PTPRT: variants seen among roughly 807,000 people sequenced by gnomAD.
PTPRT encodes protein tyrosine phosphatase receptor type T.
PTPRT carries 56 observed loss-of-function variants against 176.8 expected under a neutral mutation model. The observed-to-expected ratio is 0.32, with a 90% CI of 0.26 to 0.40. PTPRT has a LOEUF of 0.40. Among genes scored for constraint, PTPRT ranks in the 10% least tolerant of loss-of-function variants. The pLI, the probability that PTPRT is intolerant of heterozygous loss-of-function variation, is 1.00. For missense variants in PTPRT, 1,540 were observed against 1,908.2 expected (o/e 0.81, Z 3.60); for synonymous variants, 783 against 739.0 (o/e 1.06, Z -0.96).
In PTPRT at chr20:43,146,251, T is replaced by C. The variant is rs1260292045; in HGVS notation, c.88+43395A>G. ...ATGACGCTGAGACAATAAATCACTT[T>C]GAGCTAACACAATATGCCAACCAGT... On this transcript the variant is annotated intron_variant, in intron 1 of 30. Coordinates refer to ENST00000373187, the MANE Select transcript of PTPRT (RefSeq NM_007050.6). Among the ~76,000 whole-genome samples, 4 of 152,218 alleles carry C rather than the reference T, an allele frequency of 2.6e-5. 1 individual carries two copies. The South Asian group carries it at 8.3e-4, about 32-fold the overall frequency.
chr20:42,386,806 G>A (rs1317909516), intron 9 of PTPRT, among the ~76,000 whole-genome samples: 1 of 152,150 alleles, frequency 6.6e-6, no homozygotes. Flanking sequence ...GTTGCAGTGA[G>A]CCGAGATTGT....
chr20:42,737,829 A>G (rs991119798), intron 6 of PTPRT, among the ~76,000 whole-genome samples: 3 of 152,172 alleles, frequency 2.0e-5, no homozygotes, highest in East Asian at 1.9e-4. Flanking sequence ...TCACAATTGT[A>G]CAGATTAAAT....
intron 9 of PTPRT, among the ~76,000 whole-genome samples, chr20:42,426,976 A>G (rs1346886422): frequency 1.3e-5 from 2 of 152,134 alleles, no homozygotes; most frequent in Non-Finnish European, 2.9e-5. Context: ...CAGATTTGCC[A>G]CAGTAGCTGT....
chr20:42,377,782 C>T (rs6065469), intron 9 of PTPRT, among the ~76,000 whole-genome samples: 61,587 of 152,008 alleles, frequency 0.41, 13,474 homozygotes, highest in Non-Finnish European at 0.48. Flanking sequence ...CTGTGGAAGA[C>T]ATGGCTTTGG....
chr20:42,310,142 T>C lies in PTPRT; in HGVS notation c.2139+5581A>G, dbSNP rs182254434. On this transcript the variant is annotated intron_variant, in intron 12 of 30. Coordinates refer to ENST00000373187, the MANE Select transcript of PTPRT (RefSeq NM_007050.6). The stretch of plus-strand genomic sequence containing the variant: ...ATGTTGGAATGTTTGAGAAATAATG[T>C]CTTAGGAAAGGTTCAAGACACGAGG... Among the ~76,000 whole-genome samples the C allele has an allele frequency of 9.2e-5, 14 of 152,094 alleles. 1 individual carries two copies. The East Asian group carries it at 2.3e-3, about 25-fold the overall frequency.
At chr20:42,301,733 G>T (rs569330070) in intron 12 of PTPRT, among the ~76,000 whole-genome samples, 3 of 152,090 alleles carry the variant, frequency 2.0e-5, no homozygotes, top group Non-Finnish European at 4.4e-5. Context: ...TAGCAATTAG[G>T]GAATCTGTAT....
intron 11 of PTPRT, among the ~76,000 whole-genome samples, chr20:42,335,035 G>A (rs369139718): frequency 1.5e-4 from 23 of 152,194 alleles, no homozygotes; most frequent in African/African-American, 5.5e-4. Flanking sequence ...CCTAAAAATG[G>A]TCAGAGGAGA....
chr20:42,535,358 C>T (rs1601213928), intron 7 of PTPRT, among the ~76,000 whole-genome samples: 1 of 152,134 alleles, frequency 6.6e-6, no homozygotes, highest in East Asian at 1.9e-4. Flanking sequence ...GGATCAAAGA[C>T]TATCTTATAG....
intron 7 of PTPRT, among the ~76,000 whole-genome samples, chr20:42,485,227 G>C (rs529050425): frequency 6.6e-6 from 1 of 152,268 alleles, no homozygotes; most frequent in East Asian, 1.9e-4. Flanking sequence ...AAGAAAAGGA[G>C]AAGTCAAACC....
chr20:42,141,733 T>A (rs1177609904), intron 18 of PTPRT, among the ~76,000 whole-genome samples, 182 bp downstream of exon 18: 2 of 152,230 alleles, frequency 1.3e-5, no homozygotes, highest in Non-Finnish European at 2.9e-5. Flanking sequence ...TCAGCCATGC[T>A]CTGTCATCCA....
intron 2 of PTPRT, among the ~76,000 whole-genome samples, chr20:42,857,999 G>A (rs1039885035): frequency 6.6e-6 from 1 of 152,122 alleles, no homozygotes; most frequent in Non-Finnish European, 1.5e-5. Context: ...CAAGGAGCTG[G>A]AGTATCTTGT....
intron 1 of PTPRT, among the ~76,000 whole-genome samples, chr20:43,036,481 T>A (rs1047974654): frequency 6.6e-6 from 1 of 152,164 alleles, no homozygotes; most frequent in South Asian, 2.1e-4. Flanking sequence ...ATAACTGTCC[T>A]CAAATTTGTC....
chr20:42,394,096 G>A (rs3092678), intron 9 of PTPRT, among the ~76,000 whole-genome samples: 85,486 of 150,494 alleles, frequency 0.57, 25,524 homozygotes, highest in African/African-American at 0.75. Context: ...CAAAAATGGT[G>A]AAAATGTGTA....
At chr20:43,026,139 A>G (rs774953668) in intron 1 of PTPRT, among the ~76,000 whole-genome samples, 2 of 152,050 alleles carry the variant, frequency 1.3e-5, no homozygotes, top group Non-Finnish European at 2.9e-5. Flanking sequence ...TTTCTCTGAG[A>G]CGGAGTCTTA....
At chr20:42,823,172 T>A (rs2077929455) in intron 2 of PTPRT, among the ~76,000 whole-genome samples, 1 of 151,912 alleles carries the variant, frequency 6.6e-6, no homozygotes, top group Non-Finnish European at 1.5e-5. Flanking sequence ...ATAAAGAAAA[T>A]GTGGTAAATA....
chr20:42,605,169 T>C (rs1475973710), intron 7 of PTPRT, among the ~76,000 whole-genome samples: 3 of 152,172 alleles, frequency 2.0e-5, no homozygotes, highest in Non-Finnish European at 4.4e-5. Flanking sequence ...AGAATCCAGT[T>C]AGACCTGCCC....
intron 7 of PTPRT, among the ~76,000 whole-genome samples, chr20:42,642,665 T>G (rs1018107970): frequency 6.6e-6 from 1 of 152,166 alleles, no homozygotes; most frequent in Admixed American, 6.5e-5. Context: ...ATTACACTCT[T>G]TAATACCAAT....
chr20:42,535,582 A>AT (rs2072462511), intron 7 of PTPRT, among the ~76,000 whole-genome samples: 1 of 152,288 alleles, frequency 6.6e-6, no homozygotes, highest in Admixed American at 6.5e-5. Flanking sequence ...ATCCAAGAAC[A>AT]TTTTTGCAAT....
chr20:42,727,317 G>A (rs1297687505), intron 6 of PTPRT, among the ~76,000 whole-genome samples: 2 of 152,198 alleles, frequency 1.3e-5, no homozygotes, highest in Non-Finnish European at 2.9e-5. Context: ...AGCTTCTTCA[G>A]TTGTAAAATG....
Sources: allele counts gnomAD v4.1 joint callset (sites outside exome capture counted in the v4.1 genomes callset), GRCh38; gene constraint gnomAD v4.1.1; transcripts MANE v1.5; gene names NCBI Gene and HGNC (gene_info 2026-07-23, HGNC 2026-07-21).